The following CNOT2 variants were observed in gnomAD, a reference collection of about 807,000 sequenced individuals.
The protein encoded by CNOT2 is CC chemokine receptor 4-negative regulator of transcription 2.
CNOT2 carries 7 observed loss-of-function variants against 72.1 expected under a neutral mutation model. That is an observed-to-expected ratio of 0.10 (90% CI 0.06 to 0.18). CNOT2 has a LOEUF of 0.18. Among genes scored for constraint, CNOT2 ranks in the 10% least tolerant of loss-of-function variants. CNOT2 has a pLI of 1.00. For synonymous variants in CNOT2, 196 were observed against 225.6 expected, an observed-to-expected ratio of 0.87 and a Z score of 1.17; for missense variants, 345 against 660.3, an observed-to-expected ratio of 0.52 and a Z score of 5.23.
intron 2 of CNOT2, among the ~76,000 whole-genome samples, chr12:70,289,376 T>A (rs1286948984): frequency 6.6e-6 from 1 of 152,102 alleles, no homozygotes; most frequent in East Asian, 1.9e-4. Flanking sequence ...ATATTAAGAT[T>A]TTTAAATTTG....
intron 2 of CNOT2, among the ~76,000 whole-genome samples, chr12:70,298,504 T>C (rs1382770137): frequency 1.3e-5 from 2 of 152,200 alleles, no homozygotes; most frequent in East Asian, 1.9e-4. Flanking sequence ...AGCTACAAAA[T>C]AGGGATAGTT....
intron 2 of CNOT2, chr12:70,301,612 G>C (rs192275224): frequency 5.1e-4 from 78 of 152,306 alleles, no homozygotes; most frequent in Admixed American, 1.9e-3. Context: ...TGTGCTGCTG[G>C]ATTCGGTTTG....
At chr12:70,293,807 A>T in intron 2 of CNOT2, among the ~76,000 whole-genome samples, 1 of 151,136 alleles carries the variant, frequency 6.6e-6, no homozygotes, top group East Asian at 2.0e-4. Context: ...CAAGGAGTGG[A>T]TAGGCACAAA....
rs191926038 is a variant in CNOT2 at position 70,293,405 on chromosome 12, C to T, written c.48+15131C>T. On this transcript the variant is annotated intron_variant, in intron 2 of 15. Coordinates refer to ENST00000229195, the MANE Select transcript of CNOT2 (RefSeq NM_014515.7). ...AACTCCCGACCTCAGGTGATCTGCC[C>T]GCCTCAGCCTCCCAAAGTGCTGGGA... 7.3e-4 allele frequency among the ~76,000 whole-genome samples: 111 copies of T among 152,184 alleles called. 2 individuals are homozygous for T. Among genetic ancestry groups the T allele is most frequent in the Admixed American group, 6.7e-3 (103 of 15,288 alleles).
At chr12:70,250,177 G>A (rs2135697916) in intron 1 of CNOT2, among the ~76,000 whole-genome samples, 1 of 152,232 alleles carries the variant, frequency 6.6e-6, no homozygotes, top group African/African-American at 2.4e-5. Context: ...AAATGAATTT[G>A]TGAAGCACAA....
chr12:70,250,153 G>A (rs537769383), intron 1 of CNOT2, among the ~76,000 whole-genome samples: 259 of 152,230 alleles, frequency 1.7e-3, no homozygotes, highest in African/African-American at 5.7e-3. Flanking sequence ...TAAAAAAATT[G>A]TAATCCAATG....
At chr12:70,345,410 T>C (rs1425145838) in intron 14 of CNOT2, 1 of 152,180 alleles carries the variant, frequency 6.6e-6, no homozygotes, top group African/African-American at 2.4e-5. Context: ...TGTTCATAAG[T>C]AAATAAATAC....
intron 1 of CNOT2, among the ~76,000 whole-genome samples, chr12:70,269,095 T>TTATA (rs1959171378): frequency 1.3e-5 from 2 of 152,224 alleles, no homozygotes; most frequent in African/African-American, 2.4e-5. Context: ...TCTTGCTTTC[T>TTATA]TATAGCCAAG....
intron 4 of CNOT2, among the ~76,000 whole-genome samples, chr12:70,321,325 T>A (rs774842171): frequency 6.6e-6 from 1 of 151,818 alleles, no homozygotes; most frequent in Non-Finnish European, 1.5e-5. Flanking sequence ...GAGTCTAGGT[T>A]GCCAATTTCT....
chr12:70,256,757 T>C (rs967548438), intron 1 of CNOT2, among the ~76,000 whole-genome samples: 5 of 152,124 alleles, frequency 3.3e-5, no homozygotes, highest in African/African-American at 1.2e-4. Context: ...AGCTCTACAG[T>C]CTCTCGTTTT....
intron 2 of CNOT2, chr12:70,301,843 C>G (rs1874051983): frequency 6.6e-6 from 1 of 152,222 alleles, no homozygotes; most frequent in Non-Finnish European, 1.5e-5. Flanking sequence ...GTGAATCCAT[C>G]TGGTCCTGGA....
intron 1 of CNOT2, among the ~76,000 whole-genome samples, chr12:70,265,611 A>T (rs1959003151): frequency 6.6e-6 from 1 of 151,420 alleles, no homozygotes; most frequent in Non-Finnish European, 1.5e-5. Context: ...TGTTTTGTTT[A>T]ATTCTTTTTT....
chr12:70,337,291 C>T (rs563137400), intron 8 of CNOT2, 98 bp from the exon 9 acceptor site: 93 of 968,018 alleles, frequency 9.6e-5, no homozygotes, highest in Non-Finnish European at 1.2e-4. Context: ...AAAAAAGAAA[C>T]CTTTTGGTGT....
intron 3 of CNOT2, among the ~76,000 whole-genome samples, chr12:70,318,346 G>A (rs773865046): frequency 7.2e-5 from 11 of 151,796 alleles, no homozygotes; most frequent in Non-Finnish European, 1.0e-4. Flanking sequence ...CACTGTTTAT[G>A]TTCTCTAATA....
At chr12:70,254,521 C>A (rs1238341157) in intron 1 of CNOT2, among the ~76,000 whole-genome samples, 4 of 152,262 alleles carry the variant, frequency 2.6e-5, no homozygotes, top group African/African-American at 9.6e-5. Flanking sequence ...TATTTTTGTA[C>A]TGCGGTTCAC....
Position 70,278,185 on chromosome 12 carries a change from T to C in CNOT2, c.-42T>C, listed in dbSNP as rs759139669. ...TGACACGACCCTTGAGTGACAGTTC[T>C]ATTTGATTGCCTCCGGTACTGTGAG... On this transcript the variant is annotated 5_prime_UTR_variant, in exon 2 of 16. Coordinates refer to ENST00000229195, the MANE Select transcript of CNOT2 (RefSeq NM_014515.7). 3 of 1,508,096 alleles carry C rather than the reference T, an allele frequency of 2.0e-6. No individual in the cohort carries two copies. Among genetic ancestry groups the C allele is most frequent in the Non-Finnish European group, 1.8e-6 (2 of 1,085,200 alleles). 93.4% of individuals were successfully genotyped at this position (1,508,096 alleles called of 1,614,324 possible).
rs1245262700 is a variant in CNOT2, at chr12:70,310,918, T to C, written c.72T>C (p.Ala24=). The part of the protein sequence containing the change: ...NYQVTNSMFG[A]SRKKFVEGVD... ...AGGTGACAAACAGCATGTTTGGTGC[T>C]TCAAGAAAGAAGTTTGTAGAGGGGG... Residue 24 remains alanine (A), a synonymous_variant, in exon 3 of 16, where the codon GCT becomes GCC. Transcript: ENST00000229195. The C allele has an allele frequency of 6.2e-7, 1 of 1,611,920 alleles. No individual in the cohort carries two copies. The highest frequency in any genetic ancestry group is 1.1e-5 in the South Asian group (1 of 90,822).
intron 4 of CNOT2, among the ~76,000 whole-genome samples, chr12:70,325,946 G>A (rs2136007805): frequency 6.6e-6 from 1 of 151,798 alleles, no homozygotes; most frequent in Non-Finnish European, 1.5e-5. Flanking sequence ...GCAAAAAATT[G>A]AATAAAGAAT....
chr12:70,258,797 A>G (rs1444208101), intron 1 of CNOT2, among the ~76,000 whole-genome samples: 7 of 152,188 alleles, frequency 4.6e-5, no homozygotes, highest in African/African-American at 1.7e-4. Context: ...TGAGGGAGCA[A>G]TCCTGTGCTT....
Sources: gnomAD v4.1 joint callset for allele counts (sites outside exome capture counted in the v4.1 genomes callset) on GRCh38, gnomAD v4.1.1 for gene constraint, MANE v1.5 for transcripts, NCBI Gene and HGNC (gene_info 2026-07-23, HGNC 2026-07-21) for gene names.